Variants in CPE observed in about 807,000 individuals in gnomAD.
CPE encodes carboxypeptidase E.
Under a neutral mutation model 53.5 loss-of-function variants are expected in CPE, and 17 were observed. The observed-to-expected ratio is 0.32, with a 90% CI of 0.22 to 0.48. The LOEUF (loss-of-function observed/expected upper bound fraction) is 0.48. Ranked by LOEUF, CPE falls within the 20% of genes least tolerant of loss-of-function variation. The pLI is 0.99. For missense variants in CPE, 524 were observed against 614.7 expected (o/e 0.85, Z 1.56); for synonymous variants, 226 against 228.8 (o/e 0.99, Z 0.11).
chr4:165,436,670 A>C (rs1041402026), intron 1 of CPE, among the ~76,000 whole-genome samples: 4 of 152,172 alleles, frequency 2.6e-5, no homozygotes, highest in African/African-American at 9.7e-5. Context: ...TAGACAGAAA[A>C]ATCTTTTTAA....
chr4:165,496,725 G>C (rs17046557), intron 8 of CPE, among the ~76,000 whole-genome samples: 8,392 of 152,106 alleles, frequency 0.055, 776 homozygotes, highest in African/African-American at 0.19. Context: ...AAAGAGAGTG[G>C]CTTGGACACA....
At chr4:165,484,040 GTA>G (rs1732462025) in intron 4 of CPE, among the ~76,000 whole-genome samples, 1 of 152,010 alleles carries the variant, frequency 6.6e-6, no homozygotes, top group Non-Finnish European at 1.5e-5. Flanking sequence ...ATATTGAATG[GTA>G]TATATGAGAA....
chr4:165,444,811 G>GCC (rs1731677456), intron 1 of CPE, among the ~76,000 whole-genome samples: 1 of 152,184 alleles, frequency 6.6e-6, no homozygotes, highest in South Asian at 2.1e-4. Context: ...TTACAGGATG[G>GCC]CCGGAGCAAC....
Position 165,498,014 on chromosome 4 carries a change from TACA to T in CPE, c.*405_*407del, listed in dbSNP as rs1272851751. The T allele has an allele frequency of 3.9e-5, 6 of 152,516 alleles. No homozygotes were observed. The highest frequency in any genetic ancestry group is 1.2e-4 in the African/African-American group (5 of 41,466). 9.4% of individuals were successfully genotyped at this position (152,516 alleles called of 1,614,324 possible). A position where few individuals can be genotyped will look rare whatever the true frequency, so the allele number is the denominator to read the frequency against. On this transcript the variant is annotated 3_prime_UTR_variant, in exon 9 of 9. Coordinates refer to ENST00000402744, the MANE Select transcript of CPE (RefSeq NM_001873.4). ...GAATGCTATTGAAAAGGTTAACAGA[TACA>T]GCTCGGAGTTGTGAGCACTCTACTG...
At position 165,452,813 on chromosome 4, in the gene CPE, C is replaced by T. The variant is rs1031715013; in HGVS notation, c.308-11577C>T. Among the ~76,000 whole-genome samples, 101 of 152,270 alleles carry T rather than the reference C, an allele frequency of 6.6e-4. 1 individual carries two copies. The highest frequency in any genetic ancestry group is 2.3e-3 in the African/African-American group (95 of 41,542). ...CCAGATCATTCCTTCTCAATCCTGCCCTGGCATCAGAATCACCTCTAGACC... is the reference window on the plus strand; with the variant it reads ...CCAGATCATTCCTTCTCAATCCTGCTCTGGCATCAGAATCACCTCTAGACC... On this transcript the variant is annotated intron_variant, in intron 1 of 8. Transcript: ENST00000402744.
At chr4:165,443,959 C>T (rs762853578) in intron 1 of CPE, among the ~76,000 whole-genome samples, 16 of 152,116 alleles carry the variant, frequency 1.1e-4, no homozygotes, top group Admixed American at 4.6e-4. Flanking sequence ...GTACCATCTA[C>T]GAACCATAAA....
intron 1 of CPE, among the ~76,000 whole-genome samples, chr4:165,382,832 C>T (rs1730524925): frequency 6.6e-6 from 1 of 152,146 alleles, no homozygotes; most frequent in African/African-American, 2.4e-5. Context: ...ACTTTCTTTG[C>T]AAGATGTTCA....
At chr4:165,405,644 C>T in intron 1 of CPE, 1 of 779,436 alleles carries the variant, frequency 1.3e-6, no homozygotes, top group Non-Finnish European at 2.4e-6. Flanking sequence ...ATTGCAACTT[C>T]TTCTAGGTAT....
chr4:165,470,455 A>T (rs1396910180), intron 3 of CPE, among the ~76,000 whole-genome samples: 1 of 152,142 alleles, frequency 6.6e-6, no homozygotes, highest in Non-Finnish European at 1.5e-5. Flanking sequence ...ACTAAGTCAC[A>T]TACCAGTTAA....
At chr4:165,487,603 T>G in intron 6 of CPE, 26 bp downstream of exon 6, 2 of 1,613,316 alleles carry the variant, frequency 1.2e-6, no homozygotes, top group East Asian at 4.5e-5. Flanking sequence ...AGCATAAAAA[T>G]GCAAGGTTTA....
chr4:165,459,436 C>T (rs1294754476), intron 1 of CPE, among the ~76,000 whole-genome samples: 1 of 151,986 alleles, frequency 6.6e-6, no homozygotes, highest in African/African-American at 2.4e-5. Flanking sequence ...TTAATAATGG[C>T]TTGATTGATG....
intron 1 of CPE, chr4:165,386,471 CA>C: frequency 2.8e-6 from 1 of 358,144 alleles, no homozygotes; most frequent in South Asian, 2.2e-5. Context: ...TCGATGTTGA[CA>C]TCATGCATAT....
At chr4:165,488,957 C>T (rs1193413571) in intron 6 of CPE, among the ~76,000 whole-genome samples, 4 of 152,166 alleles carry the variant, frequency 2.6e-5, no homozygotes, top group South Asian at 4.1e-4. Context: ...GGAATAGATC[C>T]ACTGATGTCA....
chr4:165,409,625 A>G (rs1026265092), intron 1 of CPE, among the ~76,000 whole-genome samples: 1 of 152,248 alleles, frequency 6.6e-6, no homozygotes, highest in African/African-American at 2.4e-5. Context: ...TTCAGTGTAC[A>G]AATGAAATCT....
intron 1 of CPE, among the ~76,000 whole-genome samples, chr4:165,441,184 C>T (rs1560883123): frequency 6.6e-6 from 1 of 152,056 alleles, no homozygotes; most frequent in East Asian, 1.9e-4. Flanking sequence ...TCGTCGAGAC[C>T]CCGTTCACTC....
chr4:165,379,148 C>A lies in CPE; in HGVS notation c.-74C>A. On this transcript the variant is annotated 5_prime_UTR_variant, in exon 1 of 9. Transcript: ENST00000402744. This position sits in a 1 kb window ranked among gnomAD's most constrained non-coding sequence, Gnocchi z 6.0. ...TGCCGCCCCCAGCAGCGCCGGCGGG[C>A]TAAGCCCAGGGCCGGGCAGACAAAA... 8.5e-7 allele frequency: 1 copy of A among 1,177,580 alleles called. No homozygotes were observed. Among genetic ancestry groups the A allele is most frequent in the Non-Finnish European group, 1.1e-6 (1 of 946,330 alleles). 72.9% of individuals were successfully genotyped at this position (1,177,580 alleles called of 1,614,324 possible).
At chr4:165,408,740 C>T (rs531720842) in intron 1 of CPE, among the ~76,000 whole-genome samples, 1 of 152,290 alleles carries the variant, frequency 6.6e-6, no homozygotes, top group African/African-American at 2.4e-5. Context: ...CCCAGGGATT[C>T]TGATGCCACT....
At position 165,379,608 on chromosome 4, in the gene CPE, A is replaced by G. The variant is rs1259868189; in HGVS notation, c.307+80A>G. 9.2e-6 allele frequency: 3 copies of G among 324,534 alleles called. No individual in the cohort carries two copies. The highest frequency in any genetic ancestry group is 1.2e-5 in the Non-Finnish European group (2 of 168,608). The allele number at this position is 324,534 out of a possible 1,614,324, so 20.1% of individuals were successfully genotyped here. A position where few individuals can be genotyped will look rare whatever the true frequency, so the allele number is the denominator to read the frequency against. On this transcript the variant is annotated intron_variant, in intron 1 of 8. Transcript: ENST00000402744. The surrounding 1 kb of genome is among the most constrained non-coding windows in gnomAD (Gnocchi z 6.0). ...GGGTGGGACTGGTGGCGGTGGGGGA[A>G]GGAGGGAGGGATGGGCCCAGGGGTG... is the stretch of plus-strand genomic sequence containing the variant.
Position 165,464,416 on chromosome 4 carries a change from A to C in CPE, c.334A>C (p.Asn112His). Residue 112 changes from asparagine to histidine, a missense_variant, in exon 2 of 9, where the codon AAT becomes CAT. By Grantham distance (68) the Asn-to-His change is moderately conservative. Coordinates refer to ENST00000402744, the MANE Select transcript of CPE (RefSeq NM_001873.4). ...PGEPEFKYIGNMHGNEAVGRE... is the reference protein window; with the variant it reads ...PGEPEFKYIGHMHGNEAVGRE... ...TGAGCCTGAATTTAAATACATTGGGAATATGCATGGGAATGAGGCTGTTGG... is the reference window on the plus strand; with the variant it reads ...TGAGCCTGAATTTAAATACATTGGGCATATGCATGGGAATGAGGCTGTTGG... The C allele has an allele frequency of 6.2e-7, 1 of 1,610,236 alleles. No individual in the cohort carries two copies. The highest frequency in any genetic ancestry group is 8.5e-7 in the Non-Finnish European group (1 of 1,178,416).
Sources: allele counts gnomAD v4.1 joint callset (sites outside exome capture counted in the v4.1 genomes callset), GRCh38; gene constraint gnomAD v4.1.1; non-coding constraint Gnocchi (gnomAD v3.1); transcripts MANE v1.5; gene names NCBI Gene and HGNC (gene_info 2026-07-23, HGNC 2026-07-21).